The following CFAP47 variants were observed in gnomAD, a reference collection of about 807,000 sequenced individuals.
CFAP47 encodes cilia- and flagella-associated protein 47.
Under a neutral mutation model 148.1 loss-of-function variants are expected in CFAP47, and 29 were observed. The observed-to-expected ratio is 0.20, with a 90% CI of 0.15 to 0.27. The LOEUF (loss-of-function observed/expected upper bound fraction) is 0.27, where lower values mean the gene tolerates loss of function less well. Among genes scored for constraint, CFAP47 ranks in the 10% least tolerant of loss-of-function variants. The pLI is 1.00. For missense variants in CFAP47, 1,872 were observed against 1,697.5 expected (o/e 1.10, Z -1.81); for synonymous variants, 664 against 577.3 (o/e 1.15, Z -2.15).
intron 35 of CFAP47, among the ~76,000 whole-genome samples, chrX:36,139,509 G>A (rs1420318423): frequency 9.0e-6 from 1 of 111,512 alleles, no homozygotes; most frequent in Non-Finnish European, 1.9e-5. Context: ...TGTCAGGATG[G>A]ACCGAGAGGA....
chrX:36,046,189 A>G (rs187586457), intron 25 of CFAP47, among the ~76,000 whole-genome samples: 29 of 110,881 alleles, frequency 2.6e-4, no homozygotes, highest in Admixed American at 9.7e-4. Context: ...AAGTTTTTAC[A>G]TATATAAGTA....
intron 35 of CFAP47, 28 bp downstream of exon 35, chrX:36,138,492 C>A: frequency 9.0e-7 from 1 of 1,115,851 alleles, no homozygotes; most frequent in Non-Finnish European, 1.2e-6. Flanking sequence ...AAACATTCTA[C>A]AAACATTTTA....
At chrX:35,975,078 AAACTT>A in intron 13 of CFAP47, 64 bp from the exon 14 acceptor site, 1 of 630,790 alleles carries the variant, frequency 1.6e-6, no homozygotes, top group African/African-American at 2.3e-5. Context: ...TATATTTTGA[AAACTT>A]AAAAAGTAAA....
intron 30 of CFAP47, among the ~76,000 whole-genome samples, chrX:36,093,744 A>G (rs1196224948): frequency 3.6e-5 from 4 of 111,711 alleles, no homozygotes; most frequent in Non-Finnish European, 7.6e-5. Context: ...GGATTTTTAG[A>G]TATTTTTCTA....
At chrX:36,165,138 A>G (rs948884609) in intron 39 of CFAP47, among the ~76,000 whole-genome samples, 9 of 111,891 alleles carry the variant, frequency 8.0e-5, no homozygotes, top group African/African-American at 2.9e-4. Context: ...CTCTTTTTTT[A>G]GTCAGAATAA....
chrX:36,367,631 AT>A (rs1278809239), intron 62 of CFAP47, among the ~76,000 whole-genome samples: 2 of 111,921 alleles, frequency 1.8e-5, no homozygotes, highest in East Asian at 5.6e-4. Context: ...ATAACGTAAA[AT>A]TCATTTATTG....
At chrX:36,062,979 A>G (rs997857581) in intron 26 of CFAP47, among the ~76,000 whole-genome samples, 1 of 112,194 alleles carries the variant, frequency 8.9e-6, no homozygotes, top group Non-Finnish European at 1.9e-5. Flanking sequence ...AACACGGCCA[A>G]AAATAGTACA....
intron 32 of CFAP47, among the ~76,000 whole-genome samples, chrX:36,101,913 A>G (rs1251913451): frequency 8.9e-6 from 1 of 111,795 alleles, no homozygotes; most frequent in Non-Finnish European, 1.9e-5. Context: ...AGCCAAATAT[A>G]ATAGCAAAGT....
rs58763571 is a variant in CFAP47 at position 36,018,286 on chromosome X, A to G, written c.3556+3374A>G. On this transcript the variant is annotated intron_variant, in intron 22 of 63. Coordinates refer to ENST00000378653, the MANE Select transcript of CFAP47 (RefSeq NM_001304548.2). Reference sequence around the variant, plus strand: ...AGTCTGTAGATTTTTCCAAATACAAAATAATGTTGCTCTGCAAACAAGGTT... The same window carrying G: ...AGTCTGTAGATTTTTCCAAATACAAGATAATGTTGCTCTGCAAACAAGGTT... 5.3e-3 allele frequency among the ~76,000 whole-genome samples: 596 copies of G among 112,191 alleles called. 6 individuals carry two copies. The highest frequency in any genetic ancestry group is 0.018 in the African/African-American group (570 of 30,912).
At position 36,104,547 on chromosome X, in the gene CFAP47, C is replaced by T; in HGVS notation, c.5176C>T (p.Pro1726Ser). Residue 1726 changes from proline to serine, a missense_variant, in exon 33 of 64, where the codon CCC becomes TCC. Pro to Ser is a moderately conservative substitution (Grantham distance 74, BLOSUM62 -1). Transcript: ENST00000378653. ...GCCATACTGCAGCAATAATATGCCCCCCATATGTGTGCAAAATACACCAAA... is the reference window on the plus strand; with the variant it reads ...GCCATACTGCAGCAATAATATGCCCTCCATATGTGTGCAAAATACACCAAA... ...VVPYCSNNMP[P>S]ICVQNTPKVN... 1 of 1,018,502 alleles carries T rather than the reference C, an allele frequency of 9.8e-7. No individual in the cohort carries two copies. Among genetic ancestry groups the T allele is most frequent in the Non-Finnish European group, 1.4e-6 (1 of 736,337 alleles). 83.9% of individuals were successfully genotyped at this position (1,018,502 alleles called of 1,213,427 possible).
chrX:36,014,042 A>G (rs935197515), intron 21 of CFAP47, among the ~76,000 whole-genome samples: 1 of 112,189 alleles, frequency 8.9e-6, no homozygotes, highest in Non-Finnish European at 1.9e-5. Flanking sequence ...CAAAGTAACT[A>G]TAAAATTTTG....
intron 33 of CFAP47, among the ~76,000 whole-genome samples, chrX:36,136,131 G>T (rs758690341): frequency 2.7e-5 from 3 of 110,652 alleles, no homozygotes; most frequent in Non-Finnish European, 5.7e-5. Flanking sequence ...ATAAGGTGGG[G>T]CGGGTGTCAT....
chrX:36,060,256 A>G (rs1303965569), intron 26 of CFAP47, among the ~76,000 whole-genome samples: 1 of 111,715 alleles, frequency 9.0e-6, no homozygotes. Context: ...AAGTATAAAC[A>G]TTTTAGAAGT....
chrX:36,211,496 A>C lies in CFAP47; in HGVS notation c.6817+6386A>C, dbSNP rs182127972. The C allele has an allele frequency of 1.1e-4, 32 of 290,381 alleles. No individual in the cohort carries two copies. The East Asian group carries it at 1.7e-3, about 15-fold the overall frequency. 23.9% of individuals were successfully genotyped at this position (290,381 alleles called of 1,213,427 possible). On this transcript the variant is annotated intron_variant, in intron 45 of 63. Transcript: ENST00000378653. ...AGTCCACTAGTGATATTGTAAAGAA[A>C]CTGGGAGGAATGTGGAATAACACTG...
intron 39 of CFAP47, among the ~76,000 whole-genome samples, chrX:36,172,583 T>G (rs1939598835): frequency 9.0e-6 from 1 of 110,892 alleles, no homozygotes; most frequent in Non-Finnish European, 1.9e-5. Context: ...TTGGTTCTGT[T>G]TATATGCTGG....
At chrX:36,259,830 C>T (rs1555999722) in intron 49 of CFAP47, among the ~76,000 whole-genome samples, 1 of 111,315 alleles carries the variant, frequency 9.0e-6, no homozygotes, top group African/African-American at 3.3e-5. Context: ...AGCATAGTAC[C>T]TGATAAGTTG....
chrX:35,946,400 AT>A (rs1936085844), intron 3 of CFAP47, among the ~76,000 whole-genome samples: 1 of 111,865 alleles, frequency 8.9e-6, no homozygotes, highest in Admixed American at 9.5e-5. Context: ...CTTTTGTCAA[AT>A]TATGTCTAAG....
At chrX:36,279,517 A>G (rs1556003223) in intron 49 of CFAP47, among the ~76,000 whole-genome samples, 1 of 111,910 alleles carries the variant, frequency 8.9e-6, no homozygotes, top group Non-Finnish European at 1.9e-5. Flanking sequence ...ATGCATGGCT[A>G]GAAACATACA....
intron 37 of CFAP47, among the ~76,000 whole-genome samples, chrX:36,150,400 T>C (rs765444251): frequency 5.3e-5 from 6 of 112,246 alleles, no homozygotes; most frequent in Non-Finnish European, 7.5e-5. Context: ...GTCAGTACCA[T>C]AGCAGTTGAC....
Sources: allele counts gnomAD v4.1 joint callset (sites outside exome capture counted in the v4.1 genomes callset), GRCh38; gene constraint gnomAD v4.1.1; transcripts MANE v1.5; gene names NCBI Gene and HGNC (gene_info 2026-07-23, HGNC 2026-07-21).